HIVEP3: variants seen among roughly 807,000 people sequenced by gnomAD.
HIVEP3 encodes the protein transcription factor HIVEP3.
A neutral mutation model predicts 152.8 loss-of-function variants in HIVEP3; 49 were observed. That is an observed-to-expected ratio of 0.32 (90% confidence interval 0.26 to 0.41). The LOEUF is 0.41. HIVEP3 is among the 10% of genes least tolerant of loss of function. HIVEP3 has a pLI of 1.00. For missense variants in HIVEP3, 2,790 were observed against 3,103.3 expected (o/e 0.90, Z 2.40); for synonymous variants, 1,269 against 1,289.0 (o/e 0.98, Z 0.33).
chr1:41,888,417 T>C (rs1644385993), intron 1 of HIVEP3, among the ~76,000 whole-genome samples: 1 of 151,522 alleles, frequency 6.6e-6, no homozygotes, highest in African/African-American at 2.4e-5. Flanking sequence ...AAGAAGAGTG[T>C]TTGCAGGTGA....
rs1280679396 is a variant in HIVEP3, at chr1:41,918,041, G to C, written c.-801+372C>G. 4.6e-5 allele frequency among the ~76,000 whole-genome samples: 7 copies of C among 152,312 alleles called. No individual in the cohort carries two copies. The highest frequency in any genetic ancestry group is 7.4e-5 in the Non-Finnish European group (5 of 68,016). On this transcript the variant is annotated intron_variant, in intron 1 of 8. Transcript: ENST00000372583. This position sits in a 1 kb window ranked among gnomAD's most constrained non-coding sequence, Gnocchi z 4.3. ...CTATGGAGCCGGCCGCCAGTGCGCGGGTGCAGAGCCCAGCAGAGCCTGCTG... is the reference window on the plus strand; with the variant it reads ...CTATGGAGCCGGCCGCCAGTGCGCGCGTGCAGAGCCCAGCAGAGCCTGCTG...
intron 1 of HIVEP3, among the ~76,000 whole-genome samples, chr1:41,964,155 C>T (rs977026183): frequency 1.3e-5 from 2 of 152,230 alleles, no homozygotes; most frequent in Non-Finnish European, 2.9e-5. Flanking sequence ...CTGCAGTCGG[C>T]AGCTCCCACT....
chr1:41,969,707 T>C (rs1171189775), intron 1 of HIVEP3, among the ~76,000 whole-genome samples: 3 of 152,156 alleles, frequency 2.0e-5, no homozygotes, highest in Admixed American at 6.5e-5. Context: ...AATTGACAAA[T>C]GCGATCTAAT....
chr1:41,625,035 C>T (rs780616590), intron 3 of HIVEP3, among the ~76,000 whole-genome samples: 23 of 151,830 alleles, frequency 1.5e-4, no homozygotes, highest in Non-Finnish European at 2.2e-4. Context: ...TGGTGGCATG[C>T]GCCTGTAAGC....
intron 8 of HIVEP3, among the ~76,000 whole-genome samples, 175 bp downstream of exon 8, chr1:41,512,641 G>T (rs1642461493): frequency 6.6e-6 from 1 of 152,240 alleles, no homozygotes. Context: ...CTGATTTAGG[G>T]CAGCCAGCAT....
At position 41,628,152 on chromosome 1, in the gene HIVEP3, G is replaced by A. The variant is rs1422662549; in HGVS notation, c.-522+597C>T. 2.0e-5 allele frequency among the ~76,000 whole-genome samples: 3 copies of A among 152,162 alleles called. No individual in the cohort carries two copies. The East Asian group carries it at 5.8e-4, about 29-fold the overall frequency. On this transcript the variant is annotated intron_variant, in intron 3 of 8. Transcript: ENST00000372583. ...CAGGCTCATTTGATCACTATTTCGG[G>A]AGCTGGGGCCCTGCTATTGAAATTG... is the stretch of plus-strand genomic sequence containing the variant.
Position 41,511,396 on chromosome 1 carries a change from C to A in HIVEP3, c.6406-130G>T. On this transcript the variant is annotated intron_variant, in intron 8 of 8. Transcript: ENST00000372583. The surrounding 1 kb of genome is among the most constrained non-coding windows in gnomAD (Gnocchi z 4.9). ...AGTCCAGGGTCCCGGCTGAGCTGAG[C>A]CCAGAACCAAGTTCCTGACTCCCTG... 2.4e-6 allele frequency: 2 copies of A among 848,334 alleles called. No individual in the cohort carries two copies. The highest frequency in any genetic ancestry group is 3.6e-5 in the South Asian group (2 of 55,282). 52.6% of individuals were successfully genotyped at this position (848,334 alleles called of 1,614,324 possible).
At chr1:41,526,518 T>C (rs111068049) in intron 5 of HIVEP3, among the ~76,000 whole-genome samples, 1,641 of 62,598 alleles carry the variant, frequency 0.026, 77 homozygotes, top group African/African-American at 0.096. Flanking sequence ...CCGTCACACT[T>C]GCCCTCACAC....
intron 7 of HIVEP3, among the ~76,000 whole-genome samples, chr1:41,514,212 A>G (rs1351201581): frequency 6.6e-6 from 1 of 152,144 alleles, no homozygotes; most frequent in Non-Finnish European, 1.5e-5. Context: ...CACCATGGGC[A>G]ACTTACCACC....
At chr1:41,863,186 A>G (rs1355059244) in intron 1 of HIVEP3, among the ~76,000 whole-genome samples, 1 of 152,222 alleles carries the variant, frequency 6.6e-6, no homozygotes, top group Admixed American at 6.5e-5. Flanking sequence ...CCTCCTGGGA[A>G]GTTAAGCTGC....
intron 1 of HIVEP3, among the ~76,000 whole-genome samples, chr1:41,702,836 A>G (rs1402786588): frequency 6.6e-6 from 1 of 152,198 alleles, no homozygotes; most frequent in Non-Finnish European, 1.5e-5. Context: ...GTCAAGGGTA[A>G]AGAGCCTTGT....
rs926916331 is a variant in HIVEP3, at chr1:41,524,758, C to T, written c.5360G>A (p.Cys1787Tyr). 2.5e-6 allele frequency: 4 copies of T among 1,613,930 alleles called. No individual in the cohort carries two copies. In the African/African-American group the frequency reaches 5.3e-5, roughly 22 times the overall value. ...TDVRPYVCKHCHFAFKTKGNL... is the reference protein window; with the variant it reads ...TDVRPYVCKHYHFAFKTKGNL... Reference sequence around the variant, plus strand: ...ACCTTTGGTTTTAAAAGCAAAGTGACAGTGCTTGCACACATAGGGCCGGAC... The same window carrying T: ...ACCTTTGGTTTTAAAAGCAAAGTGATAGTGCTTGCACACATAGGGCCGGAC... Residue 1787 changes from cysteine to tyrosine, a missense_variant, in exon 6 of 9, where the codon TGT (cysteine) becomes TAT (tyrosine). By Grantham distance (194) the Cys-to-Tyr change is radical. Transcript: ENST00000372583.
In HIVEP3 at chr1:41,510,652, G is replaced by A. The variant is rs1387061649; in HGVS notation, c.7020C>T (p.Asn2340=). ...GCGGCGGGGTGGCAGAAGGCTCGGGGTTGGTCGGTGCACGCGGGGACTCCA... is the reference window on the plus strand; with the variant it reads ...GCGGCGGGGTGGCAGAAGGCTCGGGATTGGTCGGTGCACGCGGGGACTCCA... ...PRLESPRAPT[N]PEPSATPPLD... is the part of the protein sequence containing the mutation. The change falls in exon 9 of 9, where the codon AAC becomes AAT. Residue 2340 remains asparagine (N), a synonymous_variant. Coordinates refer to ENST00000372583, the MANE Select transcript of HIVEP3 (RefSeq NM_024503.5). 25 of 1,538,680 alleles carry A rather than the reference G, an allele frequency of 1.6e-5. No homozygotes were observed. Among genetic ancestry groups the A allele is most frequent in the South Asian group, 2.4e-5 (2 of 83,580 alleles).
intron 1 of HIVEP3, among the ~76,000 whole-genome samples, chr1:41,994,753 T>A (rs1040599540): frequency 1.2e-4 from 18 of 152,172 alleles, no homozygotes; most frequent in Non-Finnish European, 2.5e-4. Flanking sequence ...GAAAACAGAC[T>A]AACACAGAAA....
At chr1:41,891,773 G>A (rs183013977) in intron 1 of HIVEP3, among the ~76,000 whole-genome samples, 12 of 152,348 alleles carry the variant, frequency 7.9e-5, no homozygotes, top group Admixed American at 4.6e-4. Context: ...AGAGGAGATC[G>A]GGGTTAATTA....
At chr1:41,591,729 G>A (rs1051540857) in intron 3 of HIVEP3, among the ~76,000 whole-genome samples, 8 of 151,866 alleles carry the variant, frequency 5.3e-5, no homozygotes, top group Non-Finnish European at 1.0e-4. Context: ...ATGGCAGAGC[G>A]GCTCTGTCTT....
intron 1 of HIVEP3, among the ~76,000 whole-genome samples, chr1:42,014,982 G>GTGAC (rs1213111569): frequency 6.6e-6 from 1 of 152,114 alleles, no homozygotes; most frequent in Non-Finnish European, 1.5e-5. Flanking sequence ...AAACACATCT[G>GTGAC]TGACTGTCAG....
intron 1 of HIVEP3, among the ~76,000 whole-genome samples, chr1:41,948,895 C>T (rs547283114): frequency 6.6e-6 from 1 of 151,794 alleles, no homozygotes; most frequent in South Asian, 2.1e-4. Context: ...GCACTTCAGG[C>T]CATACATTTC....
intron 2 of HIVEP3, among the ~76,000 whole-genome samples, chr1:41,659,427 A>G (rs1645678577): frequency 6.6e-6 from 1 of 152,202 alleles, no homozygotes; most frequent in Admixed American, 6.5e-5. Flanking sequence ...ACTGGAATGC[A>G]AACTCCCTGA....
Sources: gnomAD v4.1 joint callset for allele counts (sites outside exome capture counted in the v4.1 genomes callset) on GRCh38, gnomAD v4.1.1 for gene constraint, Gnocchi (gnomAD v3.1) non-coding constraint, MANE v1.5 for transcripts, NCBI Gene and HGNC (gene_info 2026-07-23, HGNC 2026-07-21) for gene names.